The following GRIK1 variants were observed in gnomAD, a reference collection of about 807,000 sequenced individuals.
GRIK1 encodes the protein glutamate ionotropic receptor kainate type subunit 1.
A neutral mutation model predicts 105.7 loss-of-function variants in GRIK1; 69 were observed. That is an observed-to-expected ratio of 0.65 (90% confidence interval 0.54 to 0.80). The LOEUF (loss-of-function observed/expected upper bound fraction) is 0.80. GRIK1 is among the 30% of genes least tolerant of loss of function. GRIK1 has a pLI of 0.00. For synonymous variants in GRIK1, 438 were observed against 431.3 expected, an observed-to-expected ratio of 1.02 and a Z score of -0.19; for missense variants, 1,109 against 1,167.3, an observed-to-expected ratio of 0.95 and a Z score of 0.73.
rs2090103574 is a variant in GRIK1, at chr21:29,549,901, GTT to G, written c.2607+5149_2607+5150del. Among the ~76,000 whole-genome samples the G allele has an allele frequency of 2.0e-5, 3 of 152,046 alleles. No individual in the cohort carries two copies. In the South Asian group the frequency reaches 6.2e-4, roughly 32 times the overall value. ...GCGGGTGGATCACCTGAGGTCAGGA[GTT>G]TGAGACCAGCTTGGCCAACATGGCG... is the stretch of plus-strand genomic sequence containing the variant. On this transcript the variant is annotated intron_variant, in intron 16 of 17. Transcript: ENST00000327783.
At chr21:29,892,596 C>T (rs1444187784) in intron 1 of GRIK1, among the ~76,000 whole-genome samples, 1 of 152,188 alleles carries the variant, frequency 6.6e-6, no homozygotes, top group Non-Finnish European at 1.5e-5. Flanking sequence ...GTACCCACCC[C>T]ATATCAGTTG....
At position 29,537,900 on chromosome 21, in the gene GRIK1, GAAAA is replaced by G. The variant is rs201052126; in HGVS notation, c.2608-20_2608-17del. 1.8e-4 allele frequency: 184 copies of G among 1,009,828 alleles called. No homozygotes were observed. In the African/African-American group the frequency reaches 2.8e-3, roughly 15 times the overall value. The allele number at this position is 1,009,828 out of a possible 1,614,324, so 62.6% of individuals were successfully genotyped here. A position where few individuals can be genotyped will look rare whatever the true frequency, so the allele number is the denominator to read the frequency against. ...ACTTTCCTTTCTGATAAAAAAAAAA[GAAAA>G]AAAAACAATTTTAAATTGTACATTT... On this transcript the variant is annotated splice_polypyrimidine_tract_variant and intron_variant, in intron 16 of 17. Coordinates refer to ENST00000327783, the MANE Select transcript of GRIK1 (RefSeq NM_001330994.2).
At chr21:29,734,610 A>G (rs749327562) in intron 1 of GRIK1, among the ~76,000 whole-genome samples, 12 of 151,556 alleles carry the variant, frequency 7.9e-5, no homozygotes, top group Non-Finnish European at 2.9e-5. Context: ...TGTTGCCCAA[A>G]CTAGTCTTGA....
In GRIK1 at chr21:29,598,856, T is replaced by G. The variant is rs1840165081; in HGVS notation, c.1180A>C (p.Ser394Arg). Residue 394 changes from serine (S) to arginine (R), a missense_variant, in exon 8 of 18, where the codon AGT (serine) becomes CGT (arginine). Coordinates refer to ENST00000327783, the MANE Select transcript of GRIK1 (RefSeq NM_001330994.2). Reference protein sequence around the residue: ...LRKDFDLDIISLKEEGTEKAA... With the variant: ...LRKDFDLDIIRLKEEGTEKAA... ...TTTTCAGTTCCTTCCTCTTTGAGACTAATAATGTCCAGATCAAAATCCTTC... is the reference window on the plus strand; with the variant it reads ...TTTTCAGTTCCTTCCTCTTTGAGACGAATAATGTCCAGATCAAAATCCTTC... 1.9e-6 allele frequency: 3 copies of G among 1,538,836 alleles called. No individual in the cohort carries two copies. Among genetic ancestry groups the G allele is most frequent in the Admixed American group, 3.4e-5 (2 of 58,442 alleles).
At chr21:29,683,448 A>G (rs567788541) in intron 3 of GRIK1, among the ~76,000 whole-genome samples, 7 of 152,382 alleles carry the variant, frequency 4.6e-5, no homozygotes, top group Admixed American at 4.6e-4. Flanking sequence ...GCAGCTATAA[A>G]AAAGAATAAG....
intron 4 of GRIK1, among the ~76,000 whole-genome samples, chr21:29,671,050 G>A (rs925288731): frequency 3.3e-5 from 5 of 152,210 alleles, no homozygotes; most frequent in Admixed American, 6.5e-5. Flanking sequence ...ATCTTGCAAA[G>A]TGTGAGAATT....
intron 1 of GRIK1, among the ~76,000 whole-genome samples, chr21:29,867,088 T>C (rs1022025251): frequency 5.3e-5 from 8 of 152,212 alleles, no homozygotes; most frequent in Non-Finnish European, 7.4e-5. Flanking sequence ...ATTTTTAGTA[T>C]ACGCTCAATA....
At chr21:29,703,285 A>G (rs1399077332) in intron 1 of GRIK1, among the ~76,000 whole-genome samples, 1 of 152,234 alleles carries the variant, frequency 6.6e-6, no homozygotes. Context: ...TAAAACCATT[A>G]GCTGACAATC....
rs977542401 is a variant in GRIK1, at chr21:29,806,015, CACAAGTCG to C, written c.119-111960_119-111953del. On this transcript the variant is annotated intron_variant, in intron 1 of 17. Transcript: ENST00000327783. ...AGTAATAAAAAACATGACATGAAAA[CACAAGTCG>C]ACTATAAAATTTTATAATAATCTAG... is the stretch of plus-strand genomic sequence containing the variant. Among the ~76,000 whole-genome samples the C allele has an allele frequency of 1.4e-3, 216 of 152,080 alleles. 1 individual carries two copies. Among genetic ancestry groups the C allele is most frequent in the African/African-American group, 4.9e-3 (204 of 41,502 alleles).
At chr21:29,822,505 T>C (rs1412007993) in intron 1 of GRIK1, among the ~76,000 whole-genome samples, 1 of 152,028 alleles carries the variant, frequency 6.6e-6, no homozygotes, top group Non-Finnish European at 1.5e-5. Flanking sequence ...TTATGACTGC[T>C]CAGAATAGAC....
chr21:29,826,930 A>G (rs886296357), intron 1 of GRIK1, among the ~76,000 whole-genome samples: 4 of 152,094 alleles, frequency 2.6e-5, no homozygotes, highest in Non-Finnish European at 5.9e-5. Context: ...TCTACATGGT[A>G]CCAACATGTC....
At chr21:29,863,961 C>A in intron 1 of GRIK1, among the ~76,000 whole-genome samples, 1 of 152,136 alleles carries the variant, frequency 6.6e-6, no homozygotes, top group Non-Finnish European at 1.5e-5. Flanking sequence ...ATCCCTTCAT[C>A]CTCCTGTTCC....
intron 14 of GRIK1, among the ~76,000 whole-genome samples, chr21:29,575,797 A>C (rs1004549186): frequency 6.6e-5 from 10 of 152,126 alleles, no homozygotes; most frequent in Non-Finnish European, 1.5e-4. Flanking sequence ...GCGCCACTGG[A>C]CTCCAGCCTG....
intron 16 of GRIK1, among the ~76,000 whole-genome samples, chr21:29,540,881 A>C (rs1197972438): frequency 6.6e-6 from 1 of 152,134 alleles, no homozygotes; most frequent in Non-Finnish European, 1.5e-5. Context: ...TACTTTGCAT[A>C]CTGGAAAGTC....
At chr21:29,832,746 A>T (rs2067678927) in intron 1 of GRIK1, among the ~76,000 whole-genome samples, 2 of 152,272 alleles carry the variant, frequency 1.3e-5, no homozygotes, top group South Asian at 4.1e-4. Flanking sequence ...ACAGGAGGAG[A>T]TGCTTCCTTC....
intron 15 of GRIK1, among the ~76,000 whole-genome samples, chr21:29,557,604 C>T (rs1390663282): frequency 6.6e-6 from 1 of 152,028 alleles, no homozygotes; most frequent in Non-Finnish European, 1.5e-5. Context: ...CTGAAATAAT[C>T]GTCAGCATTC....
At chr21:29,591,270 G>T (rs363432) in intron 9 of GRIK1, 45 bp from the exon 10 acceptor site, 187,778 of 1,111,118 alleles carry the variant, frequency 0.17, 18,690 homozygotes, top group Admixed American at 0.34. Context: ...TGTCAGTGTG[G>T]CATTTACACC....
At chr21:29,602,789 C>T (rs773892871) in intron 7 of GRIK1, among the ~76,000 whole-genome samples, 101 of 152,188 alleles carry the variant, frequency 6.6e-4, no homozygotes, top group Non-Finnish European at 1.2e-3. Context: ...TGCTAGTTTG[C>T]TTAGACATTG....
In GRIK1 at chr21:29,773,278, G is replaced by A. The variant is rs116226903; in HGVS notation, c.119-79215C>T. On this transcript the variant is annotated intron_variant, in intron 1 of 17. Coordinates refer to ENST00000327783, the MANE Select transcript of GRIK1 (RefSeq NM_001330994.2). ...AAGATAAATGCACAGGACACAGAGG[G>A]CTGTATTTTCTCTAGGCTTCAACTC... Among the ~76,000 whole-genome samples, 1,117 of 152,298 alleles carry A rather than the reference G, an allele frequency of 7.3e-3. 15 individuals carry two copies. The highest frequency in any genetic ancestry group is 0.026 in the African/African-American group (1,087 of 41,566).
Sources: allele counts gnomAD v4.1 joint callset (sites outside exome capture counted in the v4.1 genomes callset), GRCh38; gene constraint gnomAD v4.1.1; transcripts MANE v1.5; gene names NCBI Gene and HGNC (gene_info 2026-07-23, HGNC 2026-07-21).